The following IL1RAPL1 variants were observed in gnomAD, a reference collection of about 807,000 sequenced individuals.
IL1RAPL1 encodes the protein interleukin 1 receptor accessory protein like 1.
Under a neutral mutation model 48.4 loss-of-function variants are expected in IL1RAPL1, and 3 were observed. That is an observed-to-expected ratio of 0.06 (90% CI 0.03 to 0.16). IL1RAPL1 has a LOEUF of 0.16. Ranked by LOEUF, IL1RAPL1 falls within the 10% of genes least tolerant of loss-of-function variation. IL1RAPL1 has a pLI of 1.00. For missense variants in IL1RAPL1, 349 were observed against 530.6 expected (o/e 0.66, Z 3.36); for synonymous variants, 185 against 187.7 (o/e 0.99, Z 0.12).
chrX:29,740,403 A>G (rs376279733), intron 6 of IL1RAPL1, among the ~76,000 whole-genome samples: 3 of 111,689 alleles, frequency 2.7e-5, no homozygotes, highest in African/African-American at 9.8e-5. Context: ...ACCCCTTCCA[A>G]TTCAATTTGC....
chrX:29,134,547 A>G (rs1456003035), intron 2 of IL1RAPL1, among the ~76,000 whole-genome samples: 2 of 111,385 alleles, frequency 1.8e-5, no homozygotes, highest in African/African-American at 6.5e-5. Flanking sequence ...TCCAGAGTTC[A>G]CTGTTATCTC....
chrX:28,679,402 G>GTTTTGT (rs936442641), intron 1 of IL1RAPL1, among the ~76,000 whole-genome samples: 2 of 111,092 alleles, frequency 1.8e-5, no homozygotes, highest in East Asian at 5.6e-4. Context: ...CACTTCGTAA[G>GTTTTGT]TTTTGTTTTT....
At chrX:29,460,606 C>T (rs944201264) in intron 5 of IL1RAPL1, among the ~76,000 whole-genome samples, 4 of 112,009 alleles carry the variant, frequency 3.6e-5, no homozygotes, top group Non-Finnish European at 7.5e-5. Flanking sequence ...TGAGCTACTC[C>T]TCCTTGTATG....
At chrX:29,376,893 C>T (rs1933631513) in intron 3 of IL1RAPL1, among the ~76,000 whole-genome samples, 1 of 111,663 alleles carries the variant, frequency 9.0e-6, no homozygotes, top group South Asian at 3.7e-4. Context: ...CTGTTAGGTT[C>T]AATTGGTTGA....
At chrX:28,768,822 G>T (rs1936279498) in intron 1 of IL1RAPL1, among the ~76,000 whole-genome samples, 1 of 52,801 alleles carries the variant, frequency 1.9e-5, no homozygotes, top group Non-Finnish European at 3.2e-5. Context: ...TAATGTGTGT[G>T]TGTATATATA....
At chrX:29,752,495 C>CCAAAAAAA (rs533554738) in intron 6 of IL1RAPL1, among the ~76,000 whole-genome samples, 11 of 52,755 alleles carry the variant, frequency 2.1e-4, no homozygotes, top group African/African-American at 7.3e-4. Context: ...GACTTTGTCT[C>CCAAAAAAA]AAAAAAAAAA....
At chrX:29,288,880 TGTG>T (rs1429934033) in intron 3 of IL1RAPL1, among the ~76,000 whole-genome samples, 179 of 112,435 alleles carry the variant, frequency 1.6e-3, no homozygotes, top group African/African-American at 5.6e-3. Context: ...GGTACCTCAT[TGTG>T]GTTTTGATTT....
intron 2 of IL1RAPL1, among the ~76,000 whole-genome samples, chrX:29,141,855 G>A (rs1211920948): frequency 8.9e-6 from 1 of 112,071 alleles, no homozygotes; most frequent in Non-Finnish European, 1.9e-5. Flanking sequence ...TATCAAATAT[G>A]CATGCTGAAA....
At chrX:29,785,336 AG>A (rs1410106864) in intron 6 of IL1RAPL1, among the ~76,000 whole-genome samples, 11 of 112,640 alleles carry the variant, frequency 9.8e-5, no homozygotes, top group Non-Finnish European at 2.1e-4. Flanking sequence ...AAAATCTGAA[AG>A]ACTGGTCATA....
intron 5 of IL1RAPL1, among the ~76,000 whole-genome samples, chrX:29,534,349 G>C (rs1359549030): frequency 9.0e-6 from 1 of 111,693 alleles, no homozygotes; most frequent in African/African-American, 3.3e-5. Flanking sequence ...AAAGGCATTA[G>C]AACTCTATGC....
chrX:29,105,128 T>A (rs1928422758), intron 2 of IL1RAPL1, among the ~76,000 whole-genome samples: 1 of 111,706 alleles, frequency 9.0e-6, no homozygotes, highest in Non-Finnish European at 1.9e-5. Flanking sequence ...GTATTTTAGT[T>A]TTCTATTCTC....
chrX:28,705,875 T>C (rs1341029117), intron 1 of IL1RAPL1, among the ~76,000 whole-genome samples: 1 of 112,035 alleles, frequency 8.9e-6, no homozygotes, highest in Admixed American at 9.5e-5. Flanking sequence ...AATTAATAAA[T>C]GAAGTGATGA....
chrX:29,071,597 A>G (rs1309897679), intron 2 of IL1RAPL1, among the ~76,000 whole-genome samples: 1 of 112,059 alleles, frequency 8.9e-6, no homozygotes, highest in East Asian at 2.8e-4. Context: ...AGTCTTTCCA[A>G]CAGGATTGTA....
intron 2 of IL1RAPL1, among the ~76,000 whole-genome samples, chrX:29,126,515 C>A (rs1277886484): frequency 8.9e-6 from 1 of 112,431 alleles, no homozygotes; most frequent in Non-Finnish European, 1.9e-5. Flanking sequence ...CAATGTGGTT[C>A]ATGGTCCTTA....
At chrX:29,203,660 A>G (rs994041952) in intron 2 of IL1RAPL1, among the ~76,000 whole-genome samples, 1 of 105,035 alleles carries the variant, frequency 9.5e-6, no homozygotes, top group East Asian at 3.1e-4. Context: ...CAGAGGTTGC[A>G]GTGAGCTGAG....
intron 6 of IL1RAPL1, among the ~76,000 whole-genome samples, chrX:29,683,904 G>A (rs1926539582): frequency 2.7e-5 from 3 of 111,892 alleles, no homozygotes; most frequent in Non-Finnish European, 3.8e-5. Flanking sequence ...TTAACTATTG[G>A]AAACAGTGCC....
At chrX:29,875,016 A>G (rs10126422) in intron 6 of IL1RAPL1, among the ~76,000 whole-genome samples, 9,050 of 111,715 alleles carry the variant, frequency 0.081, 882 homozygotes, top group African/African-American at 0.28. Context: ...TGGATACAAC[A>G]GTTACCACCC....
At chrX:29,773,757 A>ATGTGTG (rs760237537) in intron 6 of IL1RAPL1, among the ~76,000 whole-genome samples, 1 of 110,296 alleles carries the variant, frequency 9.1e-6, no homozygotes, top group Non-Finnish European at 1.9e-5. Flanking sequence ...GTGGGTGTGT[A>ATGTGTG]TGTGTGTGTG....
chrX:28,932,595 C>A (rs1319934052), intron 2 of IL1RAPL1, among the ~76,000 whole-genome samples: 3 of 110,799 alleles, frequency 2.7e-5, no homozygotes, highest in Admixed American at 1.9e-4. Flanking sequence ...AGATATAGAA[C>A]AACTCAGTGA....
Sources: allele counts gnomAD v4.1 joint callset (sites outside exome capture counted in the v4.1 genomes callset), GRCh38; gene constraint gnomAD v4.1.1; transcripts MANE v1.5; gene names NCBI Gene and HGNC (gene_info 2026-07-23, HGNC 2026-07-21).